UTY: variants seen among roughly 807,000 people sequenced by gnomAD.
UTY encodes ubiquitously transcribed tetratricopeptide repeat containing, Y-linked.
Under a neutral mutation model 32.5 loss-of-function variants are expected in UTY, and 12 were observed. The observed-to-expected ratio is 0.37, with a 90% CI of 0.24 to 0.60. The LOEUF (loss-of-function observed/expected upper bound fraction) is 0.60, where lower values mean the gene tolerates loss of function less well. Among genes scored for constraint, UTY ranks in the 20% least tolerant of loss-of-function variants. UTY has a pLI of 0.69. For synonymous variants in UTY, 131 were observed against 103.4 expected, an observed-to-expected ratio of 1.27 and a Z score of -1.62; for missense variants, 303 against 299.2, an observed-to-expected ratio of 1.01 and a Z score of -0.09.
intron 3 of UTY, among the ~76,000 whole-genome samples, chrY:13,457,730 C>T (rs2076887051): frequency 6.0e-5 from 2 of 33,383 alleles, no homozygotes; most frequent in African/African-American, 2.3e-4. Context: ...GATAAAAATG[C>T]ACTTTATTTT....
chrY:13,446,551 G>GAGTGAGAT (rs2075762301), intron 4 of UTY, among the ~76,000 whole-genome samples: 1 of 10,388 alleles, frequency 9.6e-5, no homozygotes, highest in Non-Finnish European at 1.9e-4. Flanking sequence ...GTAACAGTGT[G>GAGTGAGAT]AGATAGATAG....
intron 6 of UTY, among the ~76,000 whole-genome samples, chrY:13,410,139 C>T (rs1603451729): frequency 1.8e-4 from 6 of 33,633 alleles, no homozygotes; most frequent in African/African-American, 4.6e-4. Flanking sequence ...AAAAGCATTC[C>T]TTTAATATTT....
At chrY:13,320,014 AATG>A (rs2059723660) in intron 21 of UTY, among the ~76,000 whole-genome samples, 1 of 33,410 alleles carries the variant, frequency 3.0e-5, no homozygotes, top group Non-Finnish European at 7.4e-5. Flanking sequence ...TCCAATATCA[AATG>A]ATAACTTCTG....
At chrY:13,427,524 CAAG>C (rs2073466628) in intron 4 of UTY, among the ~76,000 whole-genome samples, 1 of 33,109 alleles carries the variant, frequency 3.0e-5, no homozygotes, top group Admixed American at 2.7e-4. Flanking sequence ...AAATGGAAAA[CAAG>C]GAGGCAAGAG....
intron 17 of UTY, among the ~76,000 whole-genome samples, chrY:13,346,380 T>G (rs2061899756): frequency 3.0e-5 from 1 of 33,772 alleles, no homozygotes; most frequent in Admixed American, 2.7e-4. Flanking sequence ...TTAGGTTTTA[T>G]ACATCTTTCA....
At chrY:13,300,029 G>C in intron 25 of UTY, 4 of 225,678 alleles carry the variant, frequency 1.8e-5, no homozygotes, top group Non-Finnish European at 2.1e-5. Context: ...TCAGGGGTGA[G>C]AAGGAGAGCA....
intron 27 of UTY, among the ~76,000 whole-genome samples, chrY:13,284,921 T>G: frequency 2.9e-5 from 1 of 34,460 alleles, no homozygotes; most frequent in African/African-American, 1.1e-4. Flanking sequence ...AAGGTGGTCC[T>G]CCAGTCGACC....
At chrY:13,243,750 TA>T (rs2053925825), downstream of UTY, among the ~76,000 whole-genome samples, 23 of 32,281 alleles carry the variant, frequency 7.1e-4, no homozygotes, top group South Asian at 1.4e-3. Context: ...ATAATGAGAT[TA>T]AAAAAAAATC....
At chrY:13,265,675 T>C in intron 27 of UTY, among the ~76,000 whole-genome samples, 4 of 33,470 alleles carry the variant, frequency 1.2e-4, no homozygotes, top group African/African-American at 4.7e-4. Flanking sequence ...AATCATGTCA[T>C]CTGCAAACAG....
intron 27 of UTY, chrY:13,287,032 G>A: frequency 5.3e-6 from 2 of 374,353 alleles, no homozygotes; most frequent in Non-Finnish European, 7.6e-6. Context: ...GCTGAAATGA[G>A]GCCTCTTGGT....
intron 4 of UTY, among the ~76,000 whole-genome samples, chrY:13,433,441 G>A (rs2074224458): frequency 3.0e-5 from 1 of 33,052 alleles, no homozygotes; most frequent in African/African-American, 1.2e-4. Context: ...GAGACATTTC[G>A]GACAACAAAA....
In UTY at chrY:13,478,525, A is replaced by C. The variant is rs778720830; in HGVS notation, c.216+729T>G. Among the ~76,000 whole-genome samples, 4 of 32,889 alleles carry C rather than the reference A, an allele frequency of 1.2e-4. No individual in the cohort carries two copies. In the South Asian group the frequency reaches 2.7e-3, roughly 22 times the overall value. The allele number at this position is 32,889 out of a possible 37,273, so 88.2% of individuals were successfully genotyped here. A position where few individuals can be genotyped will look rare whatever the true frequency, so the allele number is the denominator to read the frequency against. ...GGGTTAATACCTCCACCCTCTTCCCAAGCTTCCCCCTTTATTGCTCCTCCC... is the reference window on the plus strand; with the variant it reads ...GGGTTAATACCTCCACCCTCTTCCCCAGCTTCCCCCTTTATTGCTCCTCCC... On this transcript the variant is annotated intron_variant, in intron 2 of 29. Transcript: ENST00000545955.
At chrY:13,334,117 C>T (rs2060887854) in intron 18 of UTY, among the ~76,000 whole-genome samples, 2 of 33,694 alleles carry the variant, frequency 5.9e-5, no homozygotes, top group Non-Finnish European at 1.5e-4. Flanking sequence ...TCGCCCTGAA[C>T]GTCTGCTTCT....
At chrY:13,339,976 A>G (rs926480783) in intron 17 of UTY, among the ~76,000 whole-genome samples, 2 of 33,369 alleles carry the variant, frequency 6.0e-5, no homozygotes, top group Non-Finnish European at 1.5e-4. Flanking sequence ...AAAACTTTAA[A>G]AAAGGTTTTA....
intron 21 of UTY, among the ~76,000 whole-genome samples, chrY:13,320,853 G>A: frequency 3.0e-5 from 1 of 33,687 alleles, no homozygotes. Flanking sequence ...GGAGTCAAAT[G>A]TGACTTATGG....
At chrY:13,342,843 C>T in intron 17 of UTY, among the ~76,000 whole-genome samples, 4 of 33,656 alleles carry the variant, frequency 1.2e-4, no homozygotes, top group Non-Finnish European at 2.2e-4. Context: ...TGAGTGTGGA[C>T]GTGGGCGAAA....
intron 6 of UTY, among the ~76,000 whole-genome samples, chrY:13,405,275 C>T (rs1603451092): frequency 3.1e-5 from 1 of 32,475 alleles, no homozygotes; most frequent in Admixed American, 2.8e-4. Context: ...TAAACTGTAC[C>T]GTCATTTACG....
At chrY:13,469,929 C>T in intron 3 of UTY, among the ~76,000 whole-genome samples, 192 bp downstream of exon 3, 1 of 33,584 alleles carries the variant, frequency 3.0e-5, no homozygotes, top group South Asian at 6.5e-4. Flanking sequence ...ATCTAATTGA[C>T]GGCATATTTA....
chrY:13,255,777 A>C, intron 28 of UTY, among the ~76,000 whole-genome samples: 1 of 33,724 alleles, frequency 3.0e-5, no homozygotes, highest in Non-Finnish European at 7.3e-5. Context: ...TTGCATTTAC[A>C]ATTTCTGCGG....
Sources: allele counts gnomAD v4.1 joint callset (sites outside exome capture counted in the v4.1 genomes callset), GRCh38; gene constraint gnomAD v4.1.1; transcripts MANE v1.5; gene names NCBI Gene and HGNC (gene_info 2026-07-23, HGNC 2026-07-21).